MMP26: variants seen among roughly 807,000 people sequenced by gnomAD.
MMP26 encodes the protein matrix metalloproteinase-26.
In MMP26, 33 loss-of-function variants were observed where a neutral mutation model predicts 31.0. The observed-to-expected ratio is 1.06, with a 90% CI of 0.81 to 1.42. The LOEUF (loss-of-function observed/expected upper bound fraction) is 1.42. MMP26 is among the 40% of genes most tolerant of loss of function. The probability of loss-of-function intolerance (pLI) is 0.00; values close to 1 mark genes in which losing one functional copy is unlikely to be tolerated. For missense variants in MMP26, 347 were observed against 316.1 expected, an observed-to-expected ratio of 1.10 and a Z score of -0.74; for synonymous variants, 122 against 114.9, an observed-to-expected ratio of 1.06 and a Z score of -0.40.
intron 2 of MMP26, among the ~76,000 whole-genome samples, chr11:4,784,608 C>T (rs12574728): frequency 3.9e-5 from 6 of 152,080 alleles, no homozygotes; most frequent in East Asian, 3.9e-4. Context: ...GATCTGAAGC[C>T]GTGACAGCTG....
At chr11:4,844,816 A>T (rs552528263) in intron 2 of MMP26, among the ~76,000 whole-genome samples, 2 of 152,270 alleles carry the variant, frequency 1.3e-5, no homozygotes, top group East Asian at 3.9e-4. Context: ...CTGAGGAAAA[A>T]CTGAAAGCCT....
At chr11:4,961,746 T>C (rs1365694531) in intron 2 of MMP26, among the ~76,000 whole-genome samples, 1 of 152,204 alleles carries the variant, frequency 6.6e-6, no homozygotes, top group Non-Finnish European at 1.5e-5. Flanking sequence ...TTTGAGGTTT[T>C]AGATTTCAGG....
At chr11:4,709,615 T>G (rs199840593) in intron 1 of MMP26, 246 of 456,842 alleles carry the variant, frequency 5.4e-4, no homozygotes, top group Middle Eastern at 4.2e-3. Flanking sequence ...GTCTTCTTCC[T>G]TACTGGCATC....
intron 2 of MMP26, among the ~76,000 whole-genome samples, chr11:4,962,963 G>A (rs1018019194): frequency 2.0e-5 from 3 of 152,306 alleles, no homozygotes; most frequent in South Asian, 2.1e-4. Flanking sequence ...TTTTGCTGCT[G>A]TGTAAATGTA....
chr11:4,892,874 T>C (rs2133550592), intron 2 of MMP26, among the ~76,000 whole-genome samples: 1 of 152,304 alleles, frequency 6.6e-6, no homozygotes, highest in South Asian at 2.1e-4. Flanking sequence ...TGTTGATTCA[T>C]TATTAATATT....
At position 4,898,851 on chromosome 11, in the gene MMP26, G is replaced by C. The variant is rs1340092984; in HGVS notation, c.-144-89217G>C. On this transcript the variant is annotated intron_variant, in intron 2 of 7. Coordinates refer to ENST00000380390, the MANE Select transcript of MMP26 (RefSeq NM_021801.5). ...TCTCTCTGTGTGTGTGTGTGTGTGTGTGTGTGTGTGTGTGTGTGTGTGTGT... is the reference window on the plus strand; with the variant it reads ...TCTCTCTGTGTGTGTGTGTGTGTGTCTGTGTGTGTGTGTGTGTGTGTGTGT... 8.8e-3 allele frequency among the ~76,000 whole-genome samples: 1,329 copies of C among 151,022 alleles called. 24 individuals are homozygous for C. Among genetic ancestry groups the C allele is most frequent in the African/African-American group, 0.031 (1,275 of 40,944 alleles).
chr11:4,848,645 C>T, intron 2 of MMP26: 1 of 1,612,770 alleles, frequency 6.2e-7, no homozygotes, highest in South Asian at 1.1e-5. Context: ...CATCTGGATG[C>T]AAGCAATAAG....
intron 3 of MMP26, among the ~76,000 whole-genome samples, chr11:4,988,974 G>A (rs1244105936): frequency 2.6e-5 from 4 of 152,124 alleles, no homozygotes; most frequent in East Asian, 1.9e-4. Context: ...ATAGGTTTAC[G>A]TCAAGTACTC....
intron 2 of MMP26, among the ~76,000 whole-genome samples, chr11:4,819,090 A>G (rs1449111808): frequency 2.6e-5 from 4 of 151,700 alleles, no homozygotes; most frequent in Non-Finnish European, 5.9e-5. Flanking sequence ...CTTTATACAG[A>G]AAATGGTATA....
intron 1 of MMP26, among the ~76,000 whole-genome samples, chr11:4,741,906 C>G (rs1848317002): frequency 6.6e-6 from 1 of 152,076 alleles, no homozygotes; most frequent in Admixed American, 6.6e-5. Context: ...AAAGAGAAGG[C>G]TAAGAACAAA....
At chr11:4,812,121 G>A (rs1277550150) in intron 2 of MMP26, among the ~76,000 whole-genome samples, 1 of 152,162 alleles carries the variant, frequency 6.6e-6, no homozygotes, top group East Asian at 1.9e-4. Flanking sequence ...AGGGCAGAAA[G>A]GATGTTTAGA....
At chr11:4,821,911 T>C in intron 2 of MMP26, 1 of 1,614,058 alleles carries the variant, frequency 6.2e-7, no homozygotes, top group Non-Finnish European at 8.5e-7. Context: ...AGTCATGCTC[T>C]TTGTCAAGAG....
chr11:4,908,366 A>T (rs749913407), intron 2 of MMP26: 29 of 1,394,370 alleles, frequency 2.1e-5, no homozygotes, highest in Non-Finnish European at 2.3e-5. Flanking sequence ...GTCATTTGCT[A>T]TGTGCTTAAT....
intron 5 of MMP26, 62 bp from the exon 6 acceptor site, chr11:4,991,309 A>G: frequency 6.4e-7 from 1 of 1,560,156 alleles, no homozygotes; most frequent in Non-Finnish European, 8.7e-7. Flanking sequence ...CTTACTTAAG[A>G]CTATTCTGGC....
chr11:4,973,110 G>T, intron 2 of MMP26: 1 of 199,940 alleles, frequency 5.0e-6, no homozygotes. Flanking sequence ...ATGACAGCTA[G>T]GGAGATAATG....
intron 2 of MMP26, among the ~76,000 whole-genome samples, chr11:4,833,446 C>G (rs1849673099): frequency 6.6e-6 from 1 of 152,174 alleles, no homozygotes; most frequent in South Asian, 2.1e-4. Flanking sequence ...TATTTAACAT[C>G]TTGATATTTA....
At chr11:4,859,935 C>A (rs1850120413) in intron 2 of MMP26, 4 of 471,040 alleles carry the variant, frequency 8.5e-6, no homozygotes, top group Non-Finnish European at 1.3e-5. Context: ...GAACATCGAG[C>A]CCCAGTGTGA....
At chr11:4,753,515 T>G (rs931265669) in intron 1 of MMP26, among the ~76,000 whole-genome samples, 5 of 152,120 alleles carry the variant, frequency 3.3e-5, no homozygotes, top group Non-Finnish European at 7.4e-5. Context: ...TAATCCTTGT[T>G]TAGTGGAGTT....
intron 2 of MMP26, among the ~76,000 whole-genome samples, chr11:4,964,720 A>G (rs1846566539): frequency 6.6e-6 from 1 of 152,190 alleles, no homozygotes; most frequent in Non-Finnish European, 1.5e-5. Context: ...CATACACACC[A>G]TGGAATACTA....
Sources: gnomAD v4.1 joint callset for allele counts (sites outside exome capture counted in the v4.1 genomes callset) on GRCh38, gnomAD v4.1.1 for gene constraint, MANE v1.5 for transcripts, NCBI Gene and HGNC (gene_info 2026-07-23, HGNC 2026-07-21) for gene names.